LRMDA: variants seen among roughly 807,000 people sequenced by gnomAD.
LRMDA encodes leucine rich melanocyte differentiation associated, also known as leucine-rich melanocyte differentiation-associated protein.
LRMDA carries 18 observed loss-of-function variants against 29.8 expected under a neutral mutation model. The ratio of observed to expected loss-of-function variants is 0.60; its 90% CI spans 0.42 to 0.90. The LOEUF (loss-of-function observed/expected upper bound fraction) is 0.90, where lower values mean the gene tolerates loss of function less well. Among genes scored for constraint, LRMDA ranks in the 40% least tolerant of loss-of-function variants. The probability of loss-of-function intolerance (pLI) is 0.00; values close to 1 mark genes in which losing one functional copy is unlikely to be tolerated. For missense variants in LRMDA, 273 were observed against 273.9 expected (o/e 1.00, Z 0.02); for synonymous variants, 125 against 109.4 (o/e 1.14, Z -0.89).
rs111847595 is a variant in LRMDA, at chr10:76,539,070, A to T, written c.602-18139A>T. Among the ~76,000 whole-genome samples the T allele has an allele frequency of 6.3e-3, 961 of 152,274 alleles. 7 individuals are homozygous for T. The highest frequency in any genetic ancestry group is 0.022 in the African/African-American group (926 of 41,552). On this transcript the variant is annotated intron_variant, in intron 6 of 6. Transcript: ENST00000611255. ...CTATTTTTATAATAGCGTCTATTTT[A>T]AAAAAGGTATAACATCCTAATATGT...
chr10:75,464,791 C>T (rs1319818521), intron 2 of LRMDA, among the ~76,000 whole-genome samples: 1 of 152,162 alleles, frequency 6.6e-6, no homozygotes, highest in African/African-American at 2.4e-5. Flanking sequence ...ATCAGAGGAT[C>T]AAGGAAGGGC....
At chr10:76,230,944 C>T (rs571685057) in intron 5 of LRMDA, among the ~76,000 whole-genome samples, 134 of 152,226 alleles carry the variant, frequency 8.8e-4, no homozygotes, top group Non-Finnish European at 1.3e-4. Context: ...TATAAAATTA[C>T]AGCTAGAGGC....
intron 2 of LRMDA, among the ~76,000 whole-genome samples, chr10:75,454,319 A>C (rs2132033745): frequency 6.6e-6 from 1 of 152,126 alleles, no homozygotes; most frequent in East Asian, 1.9e-4. Context: ...CACCTTGGGG[A>C]GGAGGAATTC....
In LRMDA at chr10:76,036,092, AG is replaced by A. The variant is rs777717698; in HGVS notation, c.219del (p.Leu74TyrfsTer7). 6.2e-7 allele frequency: 1 copy of A among 1,614,102 alleles called. No homozygotes were observed. Among genetic ancestry groups the A allele is most frequent in the Non-Finnish European group, 8.5e-7 (1 of 1,180,036 alleles). ...NQLGDDLVLPGLPRLHTLTLN... is the reference protein window; with the variant it reads ...NQLGDDLVLPXLPRLHTLTLN... ...AGCTGGGGGACGACCTTGTGTTGCCAGGGTTACCCAGACTGCATACCTTAAC... is the reference window on the plus strand; with the variant it reads ...AGCTGGGGGACGACCTTGTGTTGCCAGGTTACCCAGACTGCATACCTTAAC... On this transcript the variant is annotated frameshift_variant, in exon 3 of 7. Coordinates refer to ENST00000611255, the MANE Select transcript of LRMDA (RefSeq NM_001305581.2). LOFTEE classifies it high-confidence loss of function.
chr10:76,536,747 A>T (rs185847942), intron 6 of LRMDA, among the ~76,000 whole-genome samples: 126 of 152,268 alleles, frequency 8.3e-4, no homozygotes, highest in Non-Finnish European at 1.5e-3. Context: ...GCTAAGATTG[A>T]TCATTTGGCT....
At chr10:75,455,314 G>A (rs1383356875) in intron 2 of LRMDA, among the ~76,000 whole-genome samples, 2 of 152,158 alleles carry the variant, frequency 1.3e-5, no homozygotes, top group Admixed American at 6.5e-5. Context: ...AGGTATTGTT[G>A]TATACCTTCA....
chr10:75,815,957 C>A (rs1410746244), intron 2 of LRMDA, among the ~76,000 whole-genome samples: 1 of 152,170 alleles, frequency 6.6e-6, no homozygotes, highest in African/African-American at 2.4e-5. Flanking sequence ...GATTGTATCT[C>A]TAGTAAGGAG....
At chr10:75,965,916 G>T (rs1232870548) in intron 2 of LRMDA, among the ~76,000 whole-genome samples, 2 of 152,226 alleles carry the variant, frequency 1.3e-5, no homozygotes, top group Non-Finnish European at 2.9e-5. Flanking sequence ...GTGAAGCTCA[G>T]TGAAGCCCAA....
At chr10:75,775,993 G>A (rs935685691) in intron 2 of LRMDA, among the ~76,000 whole-genome samples, 1 of 152,198 alleles carries the variant, frequency 6.6e-6, no homozygotes, top group Non-Finnish European at 1.5e-5. Context: ...AGCTTGAGGA[G>A]TTTAGTTAGC....
chr10:76,410,207 G>A (rs1175897602), intron 6 of LRMDA, among the ~76,000 whole-genome samples: 2 of 151,950 alleles, frequency 1.3e-5, no homozygotes, highest in Non-Finnish European at 2.9e-5. Context: ...GCTAATAGCG[G>A]AGGTGCATGG....
intron 5 of LRMDA, among the ~76,000 whole-genome samples, chr10:76,225,725 TA>T (rs1851943517): frequency 1.3e-5 from 2 of 148,468 alleles, no homozygotes; most frequent in African/African-American, 2.5e-5. Context: ...TATTTATTAT[TA>T]TATATATATT....
intron 2 of LRMDA, among the ~76,000 whole-genome samples, chr10:75,770,986 C>T (rs913767142): frequency 4.6e-5 from 7 of 152,006 alleles, no homozygotes; most frequent in Admixed American, 2.0e-4. Context: ...AGTGTGTAGA[C>T]GTGTCCGTGG....
chr10:75,470,292 T>G (rs1844710232), intron 2 of LRMDA, among the ~76,000 whole-genome samples: 1 of 152,180 alleles, frequency 6.6e-6, no homozygotes, highest in Admixed American at 6.5e-5. Context: ...AGGACAGGAA[T>G]TTGAGACCAG....
chr10:76,121,915 C>T (rs1253384222), intron 5 of LRMDA, among the ~76,000 whole-genome samples: 1 of 152,158 alleles, frequency 6.6e-6, no homozygotes, highest in Non-Finnish European at 1.5e-5. Context: ...CTGGTATGTG[C>T]CAGGTACTGT....
At position 76,253,537 on chromosome 10, in the gene LRMDA, G is replaced by A. The variant is rs117233469; in HGVS notation, c.517-70864G>A. On this transcript the variant is annotated intron_variant, in intron 5 of 6. Transcript: ENST00000611255. ...AGAGAGGGGGAGAGAGAGAGAGAGA[G>A]AGAGATTGATTTGGCCTAGCTCATT... Among the ~76,000 whole-genome samples, 153 of 152,042 alleles carry A rather than the reference G, an allele frequency of 1.0e-3. 3 individuals carry two copies. In the East Asian group the frequency reaches 0.025, roughly 25 times the overall value.
At chr10:75,713,058 T>C (rs1403400146) in intron 2 of LRMDA, among the ~76,000 whole-genome samples, 3 of 152,200 alleles carry the variant, frequency 2.0e-5, no homozygotes, top group African/African-American at 7.2e-5. Flanking sequence ...GGGATAGTGA[T>C]AGTAATGCAC....
At chr10:76,031,756 G>A (rs1848154543) in intron 2 of LRMDA, among the ~76,000 whole-genome samples, 1 of 152,214 alleles carries the variant, frequency 6.6e-6, no homozygotes, top group Non-Finnish European at 1.5e-5. Flanking sequence ...GATATTTAGA[G>A]TCGAGGAAGT....
chr10:75,886,376 A>G (rs2132349003), intron 2 of LRMDA, among the ~76,000 whole-genome samples: 1 of 152,306 alleles, frequency 6.6e-6, no homozygotes, highest in Admixed American at 6.5e-5. Flanking sequence ...GTATGGTAGG[A>G]CCACAAATAG....
chr10:76,405,882 C>T (rs1356520448), intron 6 of LRMDA, among the ~76,000 whole-genome samples: 2 of 152,146 alleles, frequency 1.3e-5, no homozygotes, highest in African/African-American at 2.4e-5. Context: ...TTTCCCTGAC[C>T]TTCCATTTCC....
Sources: gnomAD v4.1 joint callset for allele counts (sites outside exome capture counted in the v4.1 genomes callset) on GRCh38, gnomAD v4.1.1 for gene constraint, MANE v1.5 for transcripts, NCBI Gene and HGNC (gene_info 2026-07-23, HGNC 2026-07-21) for gene names.